RARB: variants seen among roughly 807,000 people sequenced by gnomAD.
RARB encodes HBV-activated protein.
In RARB, 17 loss-of-function variants were observed where a neutral mutation model predicts 51.9. The ratio of observed to expected loss-of-function variants is 0.33; its 90% CI spans 0.22 to 0.49. The LOEUF (loss-of-function observed/expected upper bound fraction) is 0.49. Ranked by LOEUF, RARB falls within the 20% of genes least tolerant of loss-of-function variation. The pLI is 0.99. For missense variants in RARB, 369 were observed against 550.8 expected (o/e 0.67, Z 3.30); for synonymous variants, 215 against 195.4 (o/e 1.10, Z -0.84).
chr3:25,071,274 C>G (rs1275428486), intron 3 of RARB, among the ~76,000 whole-genome samples: 2 of 152,104 alleles, frequency 1.3e-5, no homozygotes, highest in African/African-American at 4.8e-5. Context: ...CAAATCATAC[C>G]AGGGAAGACA....
intron 2 of RARB, among the ~76,000 whole-genome samples, chr3:25,055,487 G>C (rs1227986290): frequency 1.3e-5 from 2 of 152,130 alleles, no homozygotes; most frequent in Non-Finnish European, 2.9e-5. Flanking sequence ...GTTCCAGCTT[G>C]AGTTATAATA....
In RARB at chr3:25,197,410, G is replaced by T. The variant is rs140793727; in HGVS notation, c.178+22835G>T. 5.5e-3 allele frequency among the ~76,000 whole-genome samples: 839 copies of T among 152,130 alleles called. 10 individuals carry two copies. The highest frequency in any genetic ancestry group is 0.019 in the African/African-American group (790 of 41,524). ...GTGTTATTTCTGAGGCCTCTGTTCT[G>T]TTCCATTCGTCTACGTATCTGTTTT... is the stretch of plus-strand genomic sequence containing the variant. On this transcript the variant is annotated intron_variant, in intron 5 of 11. Coordinates refer to the RARB transcript ENST00000383772.
intron 2 of RARB, among the ~76,000 whole-genome samples, chr3:24,988,543 G>A (rs1040753242): frequency 1.3e-5 from 2 of 151,998 alleles, no homozygotes; most frequent in Non-Finnish European, 2.9e-5. Flanking sequence ...CCTAAAGTTG[G>A]GAAGTATACT....
chr3:25,199,288 C>T (rs188985374), intron 5 of RARB, among the ~76,000 whole-genome samples: 2 of 151,884 alleles, frequency 1.3e-5, no homozygotes, highest in African/African-American at 2.4e-5. Context: ...ATGACAGTCA[C>T]CTGAGGCTGG....
At chr3:25,414,966 C>A (rs1252934402) in intron 5 of RARB, among the ~76,000 whole-genome samples, 1 of 152,096 alleles carries the variant, frequency 6.6e-6, no homozygotes, top group Non-Finnish European at 1.5e-5. Flanking sequence ...CTCAGCCTCC[C>A]GAGTAGCTGG....
rs758062670 is a variant in RARB at position 25,176,293 on chromosome 3, T to TTTTCTTTCTTTC, written c.178+1751_178+1762dup. 1.7e-3 allele frequency among the ~76,000 whole-genome samples: 107 copies of TTTTCTTTCTTTC among 64,202 alleles called. 8 individuals are homozygous for TTTTCTTTCTTTC. The highest frequency in any genetic ancestry group is 3.2e-3 in the African/African-American group (55 of 17,402). The allele number at this position is 64,202 out of a possible 152,430, so 42.1% of individuals were successfully genotyped here. On this transcript the variant is annotated intron_variant, in intron 5 of 11. Transcript: ENST00000383772. ...TGATTTATTTTTATTTATATTTATC[T>TTTTCTTTCTTTC]TTTCTTTCTTTCTTTCTTTCTTTCT...
At chr3:25,197,327 T>G (rs1701269417) in intron 5 of RARB, among the ~76,000 whole-genome samples, 1 of 152,194 alleles carries the variant, frequency 6.6e-6, no homozygotes. Context: ...TAGGGAATCC[T>G]TTCCCCATTT....
At chr3:25,222,013 G>A (rs557011921) in intron 5 of RARB, among the ~76,000 whole-genome samples, 2 of 152,282 alleles carry the variant, frequency 1.3e-5, no homozygotes, top group African/African-American at 4.8e-5. Context: ...TGAAGACGGA[G>A]CCCTCCTTTC....
At chr3:25,329,132 C>G (rs138818958) in intron 5 of RARB, among the ~76,000 whole-genome samples, 18,100 of 152,242 alleles carry the variant, frequency 0.12, 1,135 homozygotes, top group South Asian at 0.19. Flanking sequence ...GCAGAAACTT[C>G]TGCAGACTTA....
At chr3:24,865,961 T>C (rs1001503483) in intron 2 of RARB, among the ~76,000 whole-genome samples, 2 of 152,144 alleles carry the variant, frequency 1.3e-5, no homozygotes, top group Admixed American at 6.6e-5. Flanking sequence ...ACACAAATAT[T>C]AAGTTGACCT....
Position 24,852,335 on chromosome 3 carries a change from C to T in RARB, c.-458-6339C>T, listed in dbSNP as rs541604049. On this transcript the variant is annotated intron_variant, in intron 1 of 11. Transcript: ENST00000383772. ...TATTTGAGAGACTGTGGCTCCACAC[C>T]GAACCCACCTAACAAATCAGAAACT... is the stretch of plus-strand genomic sequence containing the variant. 1.0e-3 allele frequency among the ~76,000 whole-genome samples: 159 copies of T among 152,198 alleles called. 2 individuals are homozygous for T. The highest frequency in any genetic ancestry group is 1.2e-3 in the Admixed American group (18 of 15,294).
chr3:25,315,695 C>T (rs1191245118), intron 5 of RARB, among the ~76,000 whole-genome samples: 1 of 152,162 alleles, frequency 6.6e-6, no homozygotes, highest in African/African-American at 2.4e-5. Context: ...CTCACTGCAA[C>T]CTCTGCTTCC....
At chr3:24,901,986 A>C (rs915567823) in intron 2 of RARB, among the ~76,000 whole-genome samples, 5 of 151,354 alleles carry the variant, frequency 3.3e-5, no homozygotes, top group Non-Finnish European at 5.9e-5. Context: ...TAATATAGCA[A>C]TATATATAAA....
chr3:25,104,901 G>A (rs1290673193), intron 3 of RARB, among the ~76,000 whole-genome samples: 1 of 152,158 alleles, frequency 6.6e-6, no homozygotes, highest in African/African-American at 2.4e-5. Flanking sequence ...CTAGAAGTTG[G>A]GGGAGTGGAG....
intron 5 of RARB, among the ~76,000 whole-genome samples, chr3:25,346,849 G>T (rs905765430): frequency 2.0e-5 from 3 of 152,180 alleles, no homozygotes; most frequent in Non-Finnish European, 4.4e-5. Flanking sequence ...CCTATTGGGG[G>T]ATCTACCCTG....
intron 2 of RARB, among the ~76,000 whole-genome samples, chr3:25,463,892 T>C (rs1294110382): frequency 6.6e-6 from 1 of 152,152 alleles, no homozygotes; most frequent in Non-Finnish European, 1.5e-5. Flanking sequence ...TCTGACATGG[T>C]AGTCAGGAAA....
intron 4 of RARB, among the ~76,000 whole-genome samples, chr3:25,160,374 C>T (rs553236231): frequency 1.6e-4 from 25 of 152,320 alleles, no homozygotes; most frequent in African/African-American, 5.3e-4. Context: ...ACTTTGACCC[C>T]TGGCTTCTTC....
chr3:25,329,210 T>C (rs1704817314), intron 5 of RARB, among the ~76,000 whole-genome samples: 1 of 152,172 alleles, frequency 6.6e-6, no homozygotes, highest in Admixed American at 6.5e-5. Flanking sequence ...GATCTGAGAA[T>C]GGACAGACTG....
intron 5 of RARB, among the ~76,000 whole-genome samples, chr3:25,190,080 T>C (rs321529): frequency 0.36 from 54,604 of 151,932 alleles, 10,248 homozygotes; most frequent in South Asian, 0.51. Flanking sequence ...AATTTATCGA[T>C]TGTGATGCAT....
Sources: allele counts gnomAD v4.1 joint callset (sites outside exome capture counted in the v4.1 genomes callset), GRCh38; gene constraint gnomAD v4.1.1; transcripts MANE v1.5; gene names NCBI Gene and HGNC (gene_info 2026-07-23, HGNC 2026-07-21).